Variants in MICAL3 observed in about 807,000 individuals in gnomAD.
MICAL3 encodes the protein microtubule associated monooxygenase, calponin and LIM domain containing 3.
Under a neutral mutation model 207.4 loss-of-function variants are expected in MICAL3, and 62 were observed. That is an observed-to-expected ratio of 0.30 (90% CI 0.24 to 0.37). The LOEUF (loss-of-function observed/expected upper bound fraction) is 0.37. Among genes scored for constraint, MICAL3 ranks in the 10% least tolerant of loss-of-function variants. The pLI, the probability that MICAL3 is intolerant of heterozygous loss-of-function variation, is 1.00. For synonymous variants in MICAL3, 1,077 were observed against 1,069.3 expected, an observed-to-expected ratio of 1.01 and a Z score of -0.14; for missense variants, 2,368 against 2,635.6, an observed-to-expected ratio of 0.90 and a Z score of 2.22.
chr22:17,915,704 C>T (rs1932452128), intron 1 of MICAL3, among the ~76,000 whole-genome samples: 2 of 152,126 alleles, frequency 1.3e-5, no homozygotes, highest in South Asian at 2.1e-4. Context: ...GCCCACCAGC[C>T]ACCCCACACC....
At chr22:17,877,362 G>A (rs1342249816) in intron 16 of MICAL3, among the ~76,000 whole-genome samples, 2 of 113,380 alleles carry the variant, frequency 1.8e-5, no homozygotes. Flanking sequence ...GGAGGTTATG[G>A]AGGTTAGGGA....
At chr22:17,938,135 T>G (rs1046100209) in intron 1 of MICAL3, among the ~76,000 whole-genome samples, 5 of 152,110 alleles carry the variant, frequency 3.3e-5, no homozygotes, top group African/African-American at 1.2e-4. Context: ...AACAATCCAG[T>G]AAGAACTCAT....
At chr22:17,959,018 T>C (rs1260006403) in intron 1 of MICAL3, among the ~76,000 whole-genome samples, 1 of 139,110 alleles carries the variant, frequency 7.2e-6, no homozygotes, top group African/African-American at 2.7e-5. Flanking sequence ...GGGTTTTTTT[T>C]TTTTTTTTTT....
At chr22:17,843,587 G>A (rs1602033700) in intron 19 of MICAL3, among the ~76,000 whole-genome samples, 1 of 152,174 alleles carries the variant, frequency 6.6e-6, no homozygotes, top group South Asian at 2.1e-4. Context: ...CGAGTGACAC[G>A]ATGCACACAT....
intron 16 of MICAL3, among the ~76,000 whole-genome samples, chr22:17,872,531 C>T (rs543131184): frequency 1.3e-5 from 2 of 152,286 alleles, no homozygotes; most frequent in East Asian, 1.9e-4. Flanking sequence ...GTATCTATTC[C>T]GTGTTGACAT....
chr22:17,816,559 C>A, intron 27 of MICAL3, 131 bp downstream of exon 27: 3 of 735,410 alleles, frequency 4.1e-6, no homozygotes, highest in Middle Eastern at 2.4e-4. Context: ...GGTCAGCAGT[C>A]AGCTGGCTAT....
Position 17,804,824 on chromosome 22 carries a change from C to T in MICAL3, c.5650+4020G>A, listed in dbSNP as rs73382731. 7.4e-3 allele frequency among the ~76,000 whole-genome samples: 1,123 copies of T among 152,268 alleles called. 23 individuals carry two copies. Among genetic ancestry groups the T allele is most frequent in the African/African-American group, 0.026 (1,090 of 41,564 alleles). ...CCCCTTGAGAGTGACACAGCAGACA[C>T]AGTGGTAGAATGCGGTCCTGCCCCA... On this transcript the variant is annotated intron_variant, in intron 29 of 31. Coordinates refer to ENST00000441493, the MANE Select transcript of MICAL3 (RefSeq NM_015241.3).
chr22:17,818,791 G>A lies in MICAL3; in HGVS notation c.3870C>T (p.Ser1290=). The change falls in exon 26 of 32, where the codon TCC becomes TCT. Residue 1290 remains serine (S), a synonymous_variant. Transcript: ENST00000441493. The part of the protein sequence containing the change: ...IRFQPAPAKT[S]TPLAPLPVQS... ...GGACAGGGAGAGGGGCCAGTGGGGT[G>A]GATGTTTTGGCCGGGGCAGGCTGGA... The A allele has an allele frequency of 6.3e-7, 1 of 1,577,712 alleles. No homozygotes were observed. The highest frequency in any genetic ancestry group is 8.6e-7 in the Non-Finnish European group (1 of 1,157,736).
At chr22:17,910,529 C>T (rs149370993) in intron 1 of MICAL3, among the ~76,000 whole-genome samples, 4 of 152,336 alleles carry the variant, frequency 2.6e-5, no homozygotes, top group African/African-American at 7.2e-5. Context: ...GAAGAGATTT[C>T]GACCTGCAGG....
At chr22:17,801,137 G>A (rs1344797824) in intron 29 of MICAL3, among the ~76,000 whole-genome samples, 1 of 150,124 alleles carries the variant, frequency 6.7e-6, no homozygotes, top group Non-Finnish European at 1.5e-5. Context: ...GGCATCCTGA[G>A]TTTCCTTTTT....
intron 16 of MICAL3, chr22:17,879,472 G>T: frequency 7.7e-7 from 1 of 1,299,218 alleles, no homozygotes; most frequent in Non-Finnish European, 1.1e-6. Context: ...AACGACAGTG[G>T]GAAATTCAGG....
At chr22:17,810,034 G>A (rs2062026882) in intron 28 of MICAL3, among the ~76,000 whole-genome samples, 1 of 148,852 alleles carries the variant, frequency 6.7e-6, no homozygotes, top group Admixed American at 6.7e-5. Context: ...GATTACAGGG[G>A]CCCGCCACTA....
In MICAL3 at chr22:17,893,893, T is replaced by C. The variant is rs1232714012; in HGVS notation, c.1461A>G (p.Leu487=). ...TATCTTTTGTTTCGCCAGTATCATATAAATGGCGCACCTGGCAGAAATTTA... is the reference window on the plus strand; with the variant it reads ...TATCTTTTGTTTCGCCAGTATCATACAAATGGCGCACCTGGCAGAAATTTA... The part of the protein sequence containing the change: ...NFLRPSQVRH[L]YDTGETKDIH... Residue 487 remains leucine (L), a synonymous_variant, in exon 11 of 32, where the codon TTA becomes TTG. Coordinates refer to ENST00000441493, the MANE Select transcript of MICAL3 (RefSeq NM_015241.3). 3.9e-6 allele frequency: 6 copies of C among 1,556,608 alleles called. No homozygotes were observed. The highest frequency in any genetic ancestry group is 2.7e-5 in the African/African-American group (2 of 73,330).
chr22:17,810,874 C>A (rs2062040977), intron 27 of MICAL3, 61 bp from the exon 28 acceptor site: 2 of 1,374,152 alleles, frequency 1.5e-6, no homozygotes, highest in Non-Finnish European at 1.0e-6. Flanking sequence ...CAGGGGTGGG[C>A]AGCAGGCCAA....
At position 17,827,632 on chromosome 22, in the gene MICAL3, G is replaced by T. The variant is rs1032364276; in HGVS notation, c.3193+12C>A. The T allele has an allele frequency of 1.3e-6, 2 of 1,555,286 alleles. No homozygotes were observed. Among genetic ancestry groups the T allele is most frequent in the Admixed American group, 1.9e-5 (1 of 52,352 alleles). On this transcript the variant is annotated intron_variant, in intron 22 of 31. Transcript: ENST00000441493. ...TCGGGGCACACTGCGGCCTGGGGCTGGGAGTGTTTACCTCCGGAAGCAGAG... is the reference window on the plus strand; with the variant it reads ...TCGGGGCACACTGCGGCCTGGGGCTTGGAGTGTTTACCTCCGGAAGCAGAG...
intron 1 of MICAL3, among the ~76,000 whole-genome samples, chr22:17,945,171 CT>C (rs1007098855): frequency 2.8e-4 from 42 of 152,256 alleles, no homozygotes; most frequent in African/African-American, 9.9e-4. Context: ...CTCAAGTCCT[CT>C]CTCACACACC....
chr22:17,842,453 C>A (rs1022624229), intron 19 of MICAL3: 2 of 180,592 alleles, frequency 1.1e-5, no homozygotes, highest in Admixed American at 5.4e-5. Flanking sequence ...ATGCCTGCCC[C>A]GGGATCCAAG....
chr22:17,872,625 C>A, intron 16 of MICAL3: 1 of 672,966 alleles, frequency 1.5e-6, no homozygotes, highest in Non-Finnish European at 2.7e-6. Context: ...ACCCAGACAA[C>A]CTCAAAAGCA....
chr22:17,820,053 G>C (rs1056910133), intron 25 of MICAL3, among the ~76,000 whole-genome samples: 1 of 150,234 alleles, frequency 6.7e-6, no homozygotes, highest in Non-Finnish European at 1.5e-5. Flanking sequence ...GATTGCTTGA[G>C]CCGAGGAGTT....
Sources: allele counts gnomAD v4.1 joint callset (sites outside exome capture counted in the v4.1 genomes callset), GRCh38; gene constraint gnomAD v4.1.1; transcripts MANE v1.5; gene names NCBI Gene and HGNC (gene_info 2026-07-23, HGNC 2026-07-21).